Variants in HNRNPM observed in about 807,000 individuals in gnomAD.
HNRNPM encodes the protein CEA receptor.
A neutral mutation model predicts 73.1 loss-of-function variants in HNRNPM; 11 were observed. That is an observed-to-expected ratio of 0.15 (90% CI 0.09 to 0.25). The LOEUF is 0.25. Among genes scored for constraint, HNRNPM ranks in the 10% least tolerant of loss-of-function variants. HNRNPM has a pLI of 1.00. For missense variants in HNRNPM, 789 were observed against 1,067.9 expected (o/e 0.74, Z 3.64); for synonymous variants, 407 against 355.2 (o/e 1.15, Z -1.64).
At chr19:8,487,946 G>GT (rs1217057832) in intron 15 of HNRNPM, 1 of 152,374 alleles carries the variant, frequency 6.6e-6, no homozygotes, top group Non-Finnish European at 1.5e-5. Flanking sequence ...TCAAGAGGAA[G>GT]TCCAGACTCA....
chr19:8,470,642 A>G (rs903943367), intron 9 of HNRNPM, among the ~76,000 whole-genome samples: 1 of 152,024 alleles, frequency 6.6e-6, no homozygotes, highest in Non-Finnish European at 1.5e-5. Context: ...TACGATTTTT[A>G]AAAGCTTACC....
intron 5 of HNRNPM, 22 bp downstream of exon 5, chr19:8,463,708 C>A: frequency 6.9e-7 from 1 of 1,444,422 alleles, no homozygotes; most frequent in Non-Finnish European, 9.7e-7. Flanking sequence ...CTTAACACTG[C>A]GGATACTGTG....
chr19:8,483,042 T>C (rs1971031139), intron 12 of HNRNPM, 116 bp from the exon 13 acceptor site: 2 of 675,904 alleles, frequency 3.0e-6, no homozygotes, highest in Non-Finnish European at 5.2e-6. Context: ...TCAAACCCCT[T>C]TCCCTTTATC....
chr19:8,445,139 G>T lies in HNRNPM; in HGVS notation c.113+28G>T, dbSNP rs1335320124. ...GAGTATCCCACGGTCCTTTGCCACG[G>T]GTAAGGGTTCCTCTCCGCGGCCGAC... is the stretch of plus-strand genomic sequence containing the variant. On this transcript the variant is annotated intron_variant, in intron 1 of 15. Coordinates refer to ENST00000325495, the MANE Select transcript of HNRNPM (RefSeq NM_005968.5). 5.8e-6 allele frequency: 8 copies of T among 1,367,688 alleles called. No individual in the cohort carries two copies. The East Asian group carries it at 2.5e-4, about 42-fold the overall frequency. 84.7% of individuals were successfully genotyped at this position (1,367,688 alleles called of 1,614,324 possible). A position where few individuals can be genotyped will look rare whatever the true frequency, so the allele number is the denominator to read the frequency against.
At chr19:8,482,960 C>G (rs1599848090) in intron 12 of HNRNPM, 198 bp from the exon 13 acceptor site, 1 of 554,138 alleles carries the variant, frequency 1.8e-6, no homozygotes, top group Non-Finnish European at 3.2e-6. Context: ...TACGTGGGGT[C>G]TTGGCATCGT....
chr19:8,451,605 A>C (rs966054780), intron 1 of HNRNPM, among the ~76,000 whole-genome samples: 3 of 152,004 alleles, frequency 2.0e-5, no homozygotes, highest in Admixed American at 1.3e-4. Context: ...TGGTGCAATC[A>C]TGGCTTACTG....
intron 10 of HNRNPM, among the ~76,000 whole-genome samples, chr19:8,472,818 G>T (rs1018266479): frequency 6.6e-6 from 1 of 152,166 alleles, no homozygotes; most frequent in Non-Finnish European, 1.5e-5. Flanking sequence ...CTGACCTCAG[G>T]TGATCCACCC....
Position 8,486,149 on chromosome 19 carries a change from A to C in HNRNPM, c.1721A>C (p.Asn574Thr). 1 of 1,602,868 alleles carries C rather than the reference A, an allele frequency of 6.2e-7. No individual in the cohort carries two copies. The highest frequency in any genetic ancestry group is 1.1e-5 in the South Asian group (1 of 90,926). The change falls in exon 14 of 16, where the codon AAC becomes ACC. Residue 574 changes from asparagine (N) to threonine (T), a missense_variant. Coordinates refer to ENST00000325495, the MANE Select transcript of HNRNPM (RefSeq NM_005968.5). ...ATGGGCCTGGAGCGCATGGGCGCCA[A>C]CAGCCTCGAGCGCATGGGCCTGGAG... ...ERMGLERMGANSLERMGLERM... is the reference protein window; with the variant it reads ...ERMGLERMGATSLERMGLERM...
At chr19:8,463,368 T>G (rs1453272593) in intron 3 of HNRNPM, 129 bp from the exon 4 acceptor site, 1 of 1,104,712 alleles carries the variant, frequency 9.1e-7, no homozygotes, top group East Asian at 2.4e-5. Flanking sequence ...AGGGTTCATT[T>G]TAAAAGACTA....
chr19:8,468,938 A>T (rs1969948482), intron 9 of HNRNPM, 104 bp downstream of exon 9: 1 of 890,108 alleles, frequency 1.1e-6, no homozygotes, highest in African/African-American at 1.6e-5. Flanking sequence ...GTTAGCCCTC[A>T]GTTCTCTTGG....
chr19:8,482,712 T>TG lies in HNRNPM; in HGVS notation c.1121-443dup, dbSNP rs1971004088. ...AATGTGGGCTCCAAGTGGGTGATGC[T>TG]GGGCGGTCTTCTGAACAAGAAGTTG... On this transcript the variant is annotated intron_variant, in intron 12 of 15. Transcript: ENST00000325495. The TG allele has an allele frequency of 2.8e-5, 3 of 108,786 alleles. No homozygotes were observed. The East Asian group carries it at 9.1e-4, about 33-fold the overall frequency. 6.7% of individuals were successfully genotyped at this position (108,786 alleles called of 1,614,324 possible). A position where few individuals can be genotyped will look rare whatever the true frequency, so the allele number is the denominator to read the frequency against.
intron 1 of HNRNPM, among the ~76,000 whole-genome samples, chr19:8,453,428 A>G (rs1568261609): frequency 6.6e-6 from 1 of 152,218 alleles, no homozygotes; most frequent in Non-Finnish European, 1.5e-5. Context: ...GATGGGAGTT[A>G]CCACACCTGG....
chr19:8,452,310 T>TA (rs1406411250), intron 1 of HNRNPM, among the ~76,000 whole-genome samples: 1 of 152,266 alleles, frequency 6.6e-6, no homozygotes, highest in African/African-American at 2.4e-5. Context: ...TTGTAAATCT[T>TA]AAAGTATTTG....
rs2145588061 is a variant in HNRNPM, at chr19:8,445,131, T to C, written c.113+20T>C. 2 of 1,382,910 alleles carry C rather than the reference T, an allele frequency of 1.4e-6. No homozygotes were observed. Among genetic ancestry groups the C allele is most frequent in the African/African-American group, 1.5e-5 (1 of 65,448 alleles). 85.7% of individuals were successfully genotyped at this position (1,382,910 alleles called of 1,614,324 possible). ...TAAGGGGTGAGTATCCCACGGTCCT[T>C]TGCCACGGGTAAGGGTTCCTCTCCG... On this transcript the variant is annotated intron_variant, in intron 1 of 15. Transcript: ENST00000325495.
At chr19:8,479,078 C>CTTTTTTTTTTTTTTTTTTTTTTT (rs74176651) in intron 12 of HNRNPM, among the ~76,000 whole-genome samples, 4 of 73,842 alleles carry the variant, frequency 5.4e-5, no homozygotes, top group Admixed American at 3.9e-4. Context: ...TTCTTTCTTT[C>CTTTTTTTTTTTTTTTTTTTTTTT]TTTTTTTTTT....
Position 8,467,551 on chromosome 19 carries a change from G to A in HNRNPM, c.801G>A (p.Gln267=). The part of the protein sequence containing the change: ...AVQAISMFNG[Q]LLFDRPMHVK... ...TAATACCAGCTATGTTCAATGGCCA[G>A]CTGCTATTTGATAGACCAATGCACG... The change falls in exon 8 of 16, where the codon CAG becomes CAA. Residue 267 remains glutamine, a synonymous_variant. Transcript: ENST00000325495. 1 of 1,612,698 alleles carries A rather than the reference G, an allele frequency of 6.2e-7. No homozygotes were observed. Among genetic ancestry groups the A allele is most frequent in the Non-Finnish European group, 8.5e-7 (1 of 1,178,716 alleles).
At position 8,462,209 on chromosome 19, in the gene HNRNPM, T is replaced by C. The variant is rs1440016801; in HGVS notation, c.284-320T>C. 3.5e-6 allele frequency: 1 copy of C among 287,610 alleles called. No homozygotes were observed. Among genetic ancestry groups the C allele is most frequent in the Non-Finnish European group, 6.7e-6 (1 of 149,386 alleles). The allele number at this position is 287,610 out of a possible 1,614,324, so 17.8% of individuals were successfully genotyped here. A position where few individuals can be genotyped will look rare whatever the true frequency, so the allele number is the denominator to read the frequency against. The stretch of plus-strand genomic sequence containing the variant: ...CTCCTCCCTTCCCCAGAAAAGTAAA[T>C]CACGCAGACTTCTTTCCTATAGATT... On this transcript the variant is annotated intron_variant, in intron 2 of 15. Transcript: ENST00000325495. The surrounding 1 kb of genome is among the most constrained non-coding windows in gnomAD (Gnocchi z 4.5).
intron 12 of HNRNPM, 196 bp from the exon 13 acceptor site, chr19:8,482,962 T>A (rs1280616702): frequency 5.4e-6 from 3 of 554,754 alleles, no homozygotes; most frequent in Non-Finnish European, 9.5e-6. Context: ...CGTGGGGTCT[T>A]GGCATCGTGA....
At chr19:8,456,690 A>G (rs921538111) in intron 2 of HNRNPM, among the ~76,000 whole-genome samples, 5 of 152,216 alleles carry the variant, frequency 3.3e-5, no homozygotes, top group African/African-American at 9.6e-5. Flanking sequence ...CACTGCCATC[A>G]TTGTCCCATC....
Sources: gnomAD v4.1 joint callset for allele counts (sites outside exome capture counted in the v4.1 genomes callset) on GRCh38, gnomAD v4.1.1 for gene constraint, Gnocchi (gnomAD v3.1) non-coding constraint, MANE v1.5 for transcripts, NCBI Gene and HGNC (gene_info 2026-07-23, HGNC 2026-07-21) for gene names.